SLC2A9: variants seen among roughly 807,000 people sequenced by gnomAD.
SLC2A9 encodes the protein solute carrier family 2, facilitated glucose transporter member 9.
Under a neutral mutation model 50.6 loss-of-function variants are expected in SLC2A9, and 39 were observed. That is an observed-to-expected ratio of 0.77 (90% confidence interval 0.60 to 1.01). SLC2A9 has a LOEUF of 1.01. Ranked by LOEUF, SLC2A9 falls within the 50% of genes least tolerant of loss-of-function variation. SLC2A9 has a pLI of 0.00. For synonymous variants in SLC2A9, 324 were observed against 276.9 expected, an observed-to-expected ratio of 1.17 and a Z score of -1.69; for missense variants, 686 against 677.6, an observed-to-expected ratio of 1.01 and a Z score of -0.14.
downstream of SLC2A9, chr4:9,826,102 G>C (rs765522372): frequency 6.0e-5 from 23 of 381,288 alleles, no homozygotes; most frequent in Non-Finnish European, 1.1e-4. Context: ...GAGTCATGAA[G>C]AAGGCAGGTC....
chr4:9,818,889 G>A (rs1288318693), intron 3 of SLC2A9, among the ~76,000 whole-genome samples: 1 of 151,940 alleles, frequency 6.6e-6, no homozygotes, highest in Non-Finnish European at 1.5e-5. Flanking sequence ...TTGGGAGGCT[G>A]GGGCGGGTGG....
chr4:9,976,313 G>A (rs1754797828), intron 5 of SLC2A9, among the ~76,000 whole-genome samples: 1 of 152,050 alleles, frequency 6.6e-6, no homozygotes, highest in South Asian at 2.1e-4. Context: ...TTCACCCTCT[G>A]TGTTTCAAAG....
chr4:9,924,351 T>C (rs1744509994), intron 6 of SLC2A9, among the ~76,000 whole-genome samples: 1 of 152,176 alleles, frequency 6.6e-6, no homozygotes, highest in Admixed American at 6.5e-5. Flanking sequence ...TGCTCAGCCC[T>C]CAGCAGTTAA....
intron 2 of SLC2A9, among the ~76,000 whole-genome samples, chr4:10,003,064 C>A (rs1760133132): frequency 6.6e-6 from 1 of 152,146 alleles, no homozygotes; most frequent in African/African-American, 2.4e-5. Context: ...CAAGTATGTA[C>A]AGAGTAAAGA....
At chr4:10,004,078 C>A (rs1444866483) in intron 2 of SLC2A9, among the ~76,000 whole-genome samples, 1 of 152,176 alleles carries the variant, frequency 6.6e-6, no homozygotes, top group Non-Finnish European at 1.5e-5. Context: ...TTTTTTCCAA[C>A]TCTAAGTGTA....
At chr4:9,794,918 C>T (rs1270638802), downstream of SLC2A9, among the ~76,000 whole-genome samples, 1 of 151,420 alleles carries the variant, frequency 6.6e-6, no homozygotes. Context: ...GGTTTGGGAC[C>T]AACATCACCA....
chr4:9,937,326 TG>T (rs886986128), intron 6 of SLC2A9, among the ~76,000 whole-genome samples: 2 of 152,324 alleles, frequency 1.3e-5, no homozygotes, highest in African/African-American at 2.4e-5. Context: ...TTGGGTTTTC[TG>T]TAGGAGACAT....
chr4:9,834,831 T>G, intron 11 of SLC2A9, 50 bp downstream of exon 11: 1 of 1,613,462 alleles, frequency 6.2e-7, no homozygotes, highest in Non-Finnish European at 8.5e-7. Context: ...CCTCAAGTGC[T>G]GCAGAATCAA....
chr4:9,919,400 A>G (rs1743489998), intron 7 of SLC2A9, among the ~76,000 whole-genome samples: 1 of 152,214 alleles, frequency 6.6e-6, no homozygotes, highest in Non-Finnish European at 1.5e-5. Flanking sequence ...GAGGTGGAAC[A>G]ACACTGTGGT....
chr4:9,879,760 A>AT, intron 10 of SLC2A9: 1 of 985,406 alleles, frequency 1.0e-6, no homozygotes, highest in Non-Finnish European at 1.2e-6. Context: ...GCTTCATGTG[A>AT]TTTTTAAAAC....
At chr4:9,919,438 T>G (rs1743498127) in intron 7 of SLC2A9, among the ~76,000 whole-genome samples, 1 of 152,196 alleles carries the variant, frequency 6.6e-6, no homozygotes, top group Admixed American at 6.5e-5. Context: ...CTGTTTTTCC[T>G]TCTCTGGACA....
intron 3 of SLC2A9, among the ~76,000 whole-genome samples, chr4:9,786,357 T>C (rs2108868110): frequency 6.6e-6 from 1 of 152,350 alleles, no homozygotes; most frequent in Non-Finnish European, 1.5e-5. Context: ...CCGTGGAGTC[T>C]TTAATCCTAA....
At chr4:9,993,580 G>A (rs1758081784) in intron 3 of SLC2A9, among the ~76,000 whole-genome samples, 1 of 152,142 alleles carries the variant, frequency 6.6e-6, no homozygotes, top group African/African-American at 2.4e-5. Flanking sequence ...GAAACACATA[G>A]CTGTGTGTAT....
intron 10 of SLC2A9, among the ~76,000 whole-genome samples, chr4:9,857,543 G>C (rs542565981): frequency 6.6e-6 from 1 of 152,214 alleles, no homozygotes; most frequent in Non-Finnish European, 1.5e-5. Context: ...AGAGGCTTTT[G>C]TTGGCTTTTC....
At chr4:9,917,970 G>C (rs1264700538) in intron 7 of SLC2A9, among the ~76,000 whole-genome samples, 1 of 152,174 alleles carries the variant, frequency 6.6e-6, no homozygotes, top group African/African-American at 2.4e-5. Flanking sequence ...GGGCTGTCCA[G>C]GGAGTGCACC....
intron 10 of SLC2A9, among the ~76,000 whole-genome samples, chr4:9,871,362 G>A (rs1577626554): frequency 6.6e-6 from 1 of 152,286 alleles, no homozygotes; most frequent in Non-Finnish European, 1.5e-5. Flanking sequence ...AATTTATTCT[G>A]TCATTGTTCT....
intron 10 of SLC2A9, among the ~76,000 whole-genome samples, chr4:9,864,893 CTGGTGCCTTGGGCA>C (rs1187025367): frequency 3.5e-4 from 53 of 152,348 alleles, no homozygotes; most frequent in African/African-American, 1.2e-3. Context: ...CTTGATTATT[CTGGTGCCTTGGGCA>C]TGGTGCCTTG....
intron 3 of SLC2A9, among the ~76,000 whole-genome samples, chr4:9,792,054 T>G (rs1719986789): frequency 6.6e-6 from 1 of 152,060 alleles, no homozygotes; most frequent in Non-Finnish European, 1.5e-5. Context: ...TCAGAGATGC[T>G]GGGTGAGTGT....
chr4:9,936,629 T>C (rs1747131558), intron 6 of SLC2A9, among the ~76,000 whole-genome samples: 1 of 152,170 alleles, frequency 6.6e-6, no homozygotes, highest in Non-Finnish European at 1.5e-5. Flanking sequence ...AATGTCTGCA[T>C]GTGTGCTGGT....
Sources: allele counts gnomAD v4.1 joint callset (sites outside exome capture counted in the v4.1 genomes callset), GRCh38; gene constraint gnomAD v4.1.1; transcripts MANE v1.5; gene names NCBI Gene and HGNC (gene_info 2026-07-23, HGNC 2026-07-21).